The following CDC27 variants were observed in gnomAD, a reference collection of about 807,000 sequenced individuals.
CDC27 encodes cell division cycle protein 27 homolog.
CDC27 carries 27 observed loss-of-function variants against 109.7 expected under a neutral mutation model. That is an observed-to-expected ratio of 0.25 (90% confidence interval 0.18 to 0.34). CDC27 has a LOEUF of 0.34. CDC27 is among the 10% of genes least tolerant of loss of function. The pLI, the probability that CDC27 is intolerant of heterozygous loss-of-function variation, is 1.00. For synonymous variants in CDC27, 266 were observed against 333.9 expected (o/e 0.80, Z 2.22); for missense variants, 579 against 960.2 (o/e 0.60, Z 5.25).
At position 47,130,864 on chromosome 17, in the gene CDC27, C is replaced by T. The variant is rs575004401; in HGVS notation, c.2032-1343G>A. Among the ~76,000 whole-genome samples the T allele has an allele frequency of 2.6e-4, 36 of 137,830 alleles. No individual in the cohort carries two copies. The East Asian group carries it at 4.3e-3, about 17-fold the overall frequency. The allele number at this position is 137,830 out of a possible 152,430, so 90.4% of individuals were successfully genotyped here. A position where few individuals can be genotyped will look rare whatever the true frequency, so the allele number is the denominator to read the frequency against. ...TGCACTCCAGCCTGGGCAACAAGAG[C>T]GAAACTCCATCTCAAAAAAAAAAAA... On this transcript the variant is annotated intron_variant, in intron 15 of 18. Coordinates refer to ENST00000066544, the MANE Select transcript of CDC27 (RefSeq NM_001256.6).
intron 18 of CDC27, 144 bp downstream of exon 18, chr17:47,122,300 A>ACAT (rs1426809490): frequency 2.7e-5 from 14 of 509,172 alleles, no homozygotes; most frequent in Non-Finnish European, 4.4e-5. Flanking sequence ...TTTTGTTATT[A>ACAT]CATCACCCTG....
chr17:47,173,697 G>A (rs937964934), intron 2 of CDC27, among the ~76,000 whole-genome samples: 1 of 152,224 alleles, frequency 6.6e-6, no homozygotes, highest in African/African-American at 2.4e-5. Context: ...ATGTGCGTGT[G>A]TAATTTTAGT....
At chr17:47,182,192 T>C (rs1223121303) in intron 1 of CDC27, among the ~76,000 whole-genome samples, 1 of 152,236 alleles carries the variant, frequency 6.6e-6, no homozygotes, top group African/African-American at 2.4e-5. Context: ...TTACCTTTAA[T>C]GCCACTCAAT....
chr17:47,153,896 AAC>A (rs1249781397), intron 8 of CDC27, among the ~76,000 whole-genome samples: 1 of 152,058 alleles, frequency 6.6e-6, no homozygotes, highest in East Asian at 1.9e-4. Context: ...CATCCCTGGC[AAC>A]ACAGTGAGAT....
At chr17:47,136,230 GTTGA>G (rs1327466786) in intron 14 of CDC27, among the ~76,000 whole-genome samples, 10 of 152,142 alleles carry the variant, frequency 6.6e-5, no homozygotes, top group African/African-American at 2.2e-4. Context: ...GCATTGGCAA[GTTGA>G]TTGTTACATT....
At chr17:47,127,864 G>A (rs1173513782) in intron 16 of CDC27, among the ~76,000 whole-genome samples, 1 of 151,314 alleles carries the variant, frequency 6.6e-6, no homozygotes, top group East Asian at 2.0e-4. Context: ...CACCACACCT[G>A]GCTAATTTTT....
At position 47,181,575 on chromosome 17, in the gene CDC27, G is replaced by C; in HGVS notation, c.90C>G (p.Arg30=). 6.3e-7 allele frequency: 1 copy of C among 1,597,592 alleles called. No homozygotes were observed. Among genetic ancestry groups the C allele is most frequent in the South Asian group, 1.1e-5 (1 of 90,374 alleles). Residue 30 remains arginine, a synonymous_variant, in exon 2 of 19, where the codon CGC becomes CGG. Coordinates refer to ENST00000066544, the MANE Select transcript of CDC27 (RefSeq NM_001256.6). ...TAGATTTCAAACCTTCTGCATAAAG[G>C]CGTTCTGCGAGGAAAACCGCATCTC... ...AYRDAVFLAE[R]LYAEVHSEEA... is the part of the protein sequence containing the mutation.
chr17:47,170,168 TTTCC>T, intron 3 of CDC27, 126 bp from the exon 4 acceptor site: 17 of 592,892 alleles, frequency 2.9e-5, no homozygotes, highest in Non-Finnish European at 3.3e-5. Flanking sequence ...TCTCTTTCCT[TTTCC>T]TTCCTTCCTT....
intron 4 of CDC27, among the ~76,000 whole-genome samples, chr17:47,163,885 CT>C (rs2063566506): frequency 6.6e-6 from 1 of 152,158 alleles, no homozygotes; most frequent in African/African-American, 2.4e-5. Context: ...CTGTTTCAGC[CT>C]CCCCAGTAGC....
intron 8 of CDC27, among the ~76,000 whole-genome samples, chr17:47,152,417 A>G (rs1359799349): frequency 1.3e-5 from 2 of 152,192 alleles, no homozygotes; most frequent in Non-Finnish European, 2.9e-5. Context: ...CCATCTGATT[A>G]CTTTCCAAAA....
At chr17:47,157,148 G>A in intron 6 of CDC27, 24 bp from the exon 7 acceptor site, 1 of 1,542,014 alleles carries the variant, frequency 6.5e-7, no homozygotes. Context: ...TTTCTACCAA[G>A]TCATTCACAA....
intron 4 of CDC27, among the ~76,000 whole-genome samples, chr17:47,158,802 A>G (rs1229868616): frequency 2.6e-5 from 4 of 152,126 alleles, no homozygotes; most frequent in Non-Finnish European, 1.5e-5. Context: ...CATATTTTGT[A>G]GAGACCAGGC....
Position 47,137,324 on chromosome 17 carries a change from G to A in CDC27, c.1741C>T (p.Arg581Trp), listed in dbSNP as rs74390782. Residue 581 changes from arginine (R) to tryptophan (W), a missense_variant, in exon 14 of 19, where the codon CGG becomes TGG. By Grantham distance (101) the Arg-to-Trp change is moderately radical. Transcript: ENST00000066544. ...CAAGNCFSLQREHDIAIKFFQ... is the reference protein window; with the variant it reads ...CAAGNCFSLQWEHDIAIKFFQ... ...AATTTAATTGCAATATCATGTTCCC[G>A]TTGCAGACTGAAACAGTTCCCTGCA... 3.1e-6 allele frequency: 5 copies of A among 1,606,238 alleles called. No homozygotes were observed. The highest frequency in any genetic ancestry group is 1.7e-5 in the Admixed American group (1 of 58,930).
chr17:47,128,771 A>ATT lies in CDC27; in HGVS notation c.2160+620_2160+621dup, dbSNP rs767267065. On this transcript the variant is annotated intron_variant, in intron 16 of 18. Coordinates refer to ENST00000066544, the MANE Select transcript of CDC27 (RefSeq NM_001256.6). ...TTCTTTTTCTGTTTTTTAATTTTTA[A>ATT]TTTTTTTTTTTTTTTTTGAGATGAA... Among the ~76,000 whole-genome samples the ATT allele has an allele frequency of 8.7e-3, 1,210 of 139,770 alleles. 21 individuals are homozygous for ATT. Among genetic ancestry groups the ATT allele is most frequent in the African/African-American group, 0.03 (1,133 of 38,104 alleles). The allele number at this position is 139,770 out of a possible 152,430, so 91.7% of individuals were successfully genotyped here. A position where few individuals can be genotyped will look rare whatever the true frequency, so the allele number is the denominator to read the frequency against.
At chr17:47,171,286 G>A (rs2063804840) in intron 3 of CDC27, among the ~76,000 whole-genome samples, 1 of 152,184 alleles carries the variant, frequency 6.6e-6, no homozygotes, top group South Asian at 2.1e-4. Flanking sequence ...TTATTGATCA[G>A]TCTATGGTGA....
intron 2 of CDC27, among the ~76,000 whole-genome samples, chr17:47,177,277 C>T: frequency 6.6e-6 from 1 of 152,046 alleles, no homozygotes; most frequent in Non-Finnish European, 1.5e-5. Context: ...TTAAAAAGTA[C>T]TAATATTAAA....
At chr17:47,138,940 T>G in intron 12 of CDC27, 49 bp from the exon 13 acceptor site, 1 of 1,257,612 alleles carries the variant, frequency 8.0e-7, no homozygotes, top group Non-Finnish European at 1.1e-6. Flanking sequence ...ACAATTTATA[T>G]ATATACACAG....
rs1414320111 is a variant in CDC27, at chr17:47,133,082, CACAA to C, written c.1914-712_1914-709del. ...ACATATACACACACACACACACACA[CACAA>C]ACACACACACACAAATATACATATA... On this transcript the variant is annotated intron_variant, in intron 14 of 18. Coordinates refer to ENST00000066544, the MANE Select transcript of CDC27 (RefSeq NM_001256.6). Among the ~76,000 whole-genome samples the C allele has an allele frequency of 3.9e-4, 28 of 72,240 alleles. No individual in the cohort carries two copies. The East Asian group carries it at 0.01, about 26-fold the overall frequency. 47.4% of individuals were successfully genotyped at this position (72,240 alleles called of 152,430 possible).
chr17:47,168,995 CT>C (rs1160478815), intron 4 of CDC27, among the ~76,000 whole-genome samples: 158 of 121,482 alleles, frequency 1.3e-3, no homozygotes, highest in Admixed American at 1.6e-3. Flanking sequence ...TTTTTTTTTT[CT>C]TTTTTTTTTT....
Sources: gnomAD v4.1 joint callset for allele counts (sites outside exome capture counted in the v4.1 genomes callset) on GRCh38, gnomAD v4.1.1 for gene constraint, MANE v1.5 for transcripts, NCBI Gene and HGNC (gene_info 2026-07-23, HGNC 2026-07-21) for gene names.